Variants in AGPAT3 observed in about 807,000 individuals in gnomAD.
AGPAT3 encodes 1-acyl-sn-glycerol-3-phosphate acyltransferase gamma.
A neutral mutation model predicts 47.3 loss-of-function variants in AGPAT3; 5 were observed. The observed-to-expected ratio is 0.11, with a 90% confidence interval of 0.06 to 0.22. The LOEUF is 0.22. Among genes scored for constraint, AGPAT3 ranks in the 10% least tolerant of loss-of-function variants. The pLI is 1.00. For missense variants in AGPAT3, 315 were observed against 493.0 expected (o/e 0.64, Z 3.42); for synonymous variants, 212 against 208.3 (o/e 1.02, Z -0.15).
At chr21:43,960,851 C>T in intron 3 of AGPAT3, 2 of 856,160 alleles carry the variant, frequency 2.3e-6, no homozygotes, top group Non-Finnish European at 2.8e-6. Flanking sequence ...TGGAAAAATC[C>T]CAGAAGGGGC....
At position 43,909,830 on chromosome 21, in the gene AGPAT3, G is replaced by A. The variant is rs530744117; in HGVS notation, c.-49+5811G>A. 1.6e-4 allele frequency among the ~76,000 whole-genome samples: 25 copies of A among 152,276 alleles called. No individual in the cohort carries two copies. The South Asian group carries it at 5.2e-3, about 32-fold the overall frequency. ...GGGGGAAGCTGTGAGGGAGCACTGG[G>A]CCCCCGCCCTGAGCATTAGTACACC... is the stretch of plus-strand genomic sequence containing the variant. On this transcript the variant is annotated intron_variant, in intron 2 of 9. Transcript: ENST00000291572.
At chr21:43,879,677 G>T (rs892325152) in intron 1 of AGPAT3, among the ~76,000 whole-genome samples, 6 of 152,210 alleles carry the variant, frequency 3.9e-5, no homozygotes, top group African/African-American at 1.4e-4. Flanking sequence ...CAATGGCACA[G>T]TGGCACGTGG....
intron 1 of AGPAT3, among the ~76,000 whole-genome samples, chr21:43,893,635 C>A (rs116576706): frequency 4.0e-4 from 61 of 152,280 alleles, no homozygotes; most frequent in African/African-American, 1.4e-3. Flanking sequence ...GCAACTCATC[C>A]TTTTACTTGA....
Position 43,920,140 on chromosome 21 carries a change from G to A in AGPAT3, c.-49+16121G>A, listed in dbSNP as rs1035454605. 1.3e-5 allele frequency among the ~76,000 whole-genome samples: 2 copies of A among 152,296 alleles called. No homozygotes were observed. The highest frequency in any genetic ancestry group is 2.1e-4 in the South Asian group (1 of 4,822). Reference sequence around the variant, plus strand: ...CACGTCCGCACCCCTCCCAGAGTGCGAGGCTGTGTCTTTTTAGTCCATTTC... The same window carrying A: ...CACGTCCGCACCCCTCCCAGAGTGCAAGGCTGTGTCTTTTTAGTCCATTTC... On this transcript the variant is annotated intron_variant, in intron 2 of 9. Transcript: ENST00000291572. The surrounding 1 kb of genome is among the most constrained non-coding windows in gnomAD (Gnocchi z 6.1).
At chr21:43,980,920 T>C in intron 8 of AGPAT3, 69 bp from the exon 9 acceptor site, 1 of 1,285,354 alleles carries the variant, frequency 7.8e-7, no homozygotes, top group Non-Finnish European at 1.1e-6. Flanking sequence ...GCCAACAATC[T>C]TCTCCTGCAT....
rs1302507234 is a variant in AGPAT3, at chr21:43,933,717, G to C, written c.-48-25917G>C. 1.3e-5 allele frequency among the ~76,000 whole-genome samples: 2 copies of C among 151,918 alleles called. No homozygotes were observed. Among genetic ancestry groups the C allele is most frequent in the Non-Finnish European group, 2.9e-5 (2 of 67,996 alleles). ...AGGGGCAGCACAGGGGAAAGGTGAGGGGAGAGTCAGGAGAGAAGGACGCCG... is the reference window on the plus strand; with the variant it reads ...AGGGGCAGCACAGGGGAAAGGTGAGCGGAGAGTCAGGAGAGAAGGACGCCG... On this transcript the variant is annotated intron_variant, in intron 2 of 9. Transcript: ENST00000291572. This position sits in a 1 kb window ranked among gnomAD's most constrained non-coding sequence, Gnocchi z 6.0.
chr21:43,872,857 T>C (rs2085651117), intron 1 of AGPAT3, among the ~76,000 whole-genome samples: 1 of 152,198 alleles, frequency 6.6e-6, no homozygotes, highest in South Asian at 2.1e-4. Context: ...CTCTGCCTCC[T>C]TGAAGCAGAG....
At chr21:43,977,285 T>C (rs1323011895) in intron 7 of AGPAT3, among the ~76,000 whole-genome samples, 1 of 152,248 alleles carries the variant, frequency 6.6e-6, no homozygotes, top group Non-Finnish European at 1.5e-5. Context: ...TTGAAGCAAG[T>C]GGATTTCATT....
At chr21:43,929,745 G>T (rs2087178629) in intron 2 of AGPAT3, among the ~76,000 whole-genome samples, 1 of 152,238 alleles carries the variant, frequency 6.6e-6, no homozygotes, top group Non-Finnish European at 1.5e-5. Context: ...CCTCAGGCTG[G>T]AGGGTGGGCA....
intron 1 of AGPAT3, among the ~76,000 whole-genome samples, chr21:43,889,814 C>T (rs1441254546): frequency 1.3e-5 from 2 of 152,210 alleles, no homozygotes; most frequent in Non-Finnish European, 2.9e-5. Flanking sequence ...ATCATCTGAG[C>T]CTTCAGTGAG....
chr21:43,896,946 T>G (rs914573316), intron 1 of AGPAT3, among the ~76,000 whole-genome samples: 1 of 134,228 alleles, frequency 7.5e-6, no homozygotes. Context: ...ACAGTCCGTT[T>G]TTTTTTTTTT....
intron 2 of AGPAT3, among the ~76,000 whole-genome samples, chr21:43,911,402 T>C (rs1271175163): frequency 2.6e-5 from 4 of 152,010 alleles, no homozygotes; most frequent in African/African-American, 9.6e-5. Context: ...GCTCTTATAT[T>C]GAGGGGCTGG....
chr21:43,918,736 C>A (rs1171902986), intron 2 of AGPAT3, among the ~76,000 whole-genome samples: 1 of 152,026 alleles, frequency 6.6e-6, no homozygotes, highest in African/African-American at 2.4e-5. Context: ...GCCACCACGC[C>A]CAGCTAATTT....
At chr21:43,902,827 T>C (rs1227754717) in intron 1 of AGPAT3, among the ~76,000 whole-genome samples, 1 of 152,166 alleles carries the variant, frequency 6.6e-6, no homozygotes, top group Non-Finnish European at 1.5e-5. Context: ...AGTGAAATGC[T>C]TTGTCTACAA....
intron 2 of AGPAT3, chr21:43,946,893 G>T: frequency 6.6e-6 from 1 of 152,410 alleles, no homozygotes; most frequent in Non-Finnish European, 1.5e-5. Flanking sequence ...GGAAGCGCCT[G>T]CTGTGTCCTG....
chr21:43,967,623 C>T, intron 3 of AGPAT3: 1 of 273,064 alleles, frequency 3.7e-6, no homozygotes, highest in Non-Finnish European at 6.9e-6. Context: ...ATCTTCTGCA[C>T]CTCTCACGGG....
intron 2 of AGPAT3, among the ~76,000 whole-genome samples, chr21:43,905,015 C>T (rs1360164350): frequency 1.3e-5 from 2 of 152,078 alleles, no homozygotes; most frequent in Non-Finnish European, 1.5e-5. Flanking sequence ...ATTGAAGTGA[C>T]CAACACCAAG....
chr21:43,874,858 C>T (rs979463158), intron 1 of AGPAT3, among the ~76,000 whole-genome samples: 15 of 152,180 alleles, frequency 9.9e-5, no homozygotes, highest in Non-Finnish European at 2.1e-4. Context: ...AGTCATTCTG[C>T]GGTATCCACT....
At position 43,968,052 on chromosome 21, in the gene AGPAT3, C is replaced by T. The variant is rs2089216004; in HGVS notation, c.285C>T (p.Asn95=). 6.2e-7 allele frequency: 1 copy of T among 1,613,958 alleles called. No individual in the cohort carries two copies. The highest frequency in any genetic ancestry group is 8.5e-7 in the Non-Finnish European group (1 of 1,180,002). ...FGKEHAVIIL[N]HNFEIDFLCG... The stretch of plus-strand genomic sequence containing the variant: ...AGGAGCACGCAGTCATCATCCTCAA[C>T]CACAACTTCGAGATCGACTTCCTCT... Residue 95 remains asparagine (N), a synonymous_variant, in exon 4 of 10, where the codon AAC becomes AAT. Transcript: ENST00000291572.
Sources: gnomAD v4.1 joint callset for allele counts (sites outside exome capture counted in the v4.1 genomes callset) on GRCh38, gnomAD v4.1.1 for gene constraint, Gnocchi (gnomAD v3.1) non-coding constraint, MANE v1.5 for transcripts, NCBI Gene and HGNC (gene_info 2026-07-23, HGNC 2026-07-21) for gene names.